Variants in SDK2 observed in about 807,000 individuals in gnomAD.
SDK2 encodes sidekick cell adhesion molecule 2, also known as protein sidekick-2.
Under a neutral mutation model 253.9 loss-of-function variants are expected in SDK2, and 105 were observed. The observed-to-expected ratio is 0.41, with a 90% CI of 0.35 to 0.49. The LOEUF (loss-of-function observed/expected upper bound fraction) is 0.49, where lower values mean the gene tolerates loss of function less well. Ranked by LOEUF, SDK2 falls within the 20% of genes least tolerant of loss-of-function variation. The probability of loss-of-function intolerance (pLI) is 0.06; values close to 1 mark genes in which losing one functional copy is unlikely to be tolerated. For missense variants in SDK2, 2,608 were observed against 3,003.0 expected, an observed-to-expected ratio of 0.87 and a Z score of 3.07; for synonymous variants, 1,249 against 1,234.9, an observed-to-expected ratio of 1.01 and a Z score of -0.24.
At chr17:73,373,484 G>C (rs1039417173) in intron 36 of SDK2, among the ~76,000 whole-genome samples, 1 of 152,142 alleles carries the variant, frequency 6.6e-6, no homozygotes, top group East Asian at 1.9e-4. Flanking sequence ...CACCAACAGC[G>C]TGCAAAGGTT....
In SDK2 at chr17:73,369,861, G is replaced by A. The variant is rs185326202; in HGVS notation, c.4981-1268C>T. ...GGATTTCACCGTGTTAGCCAGGATG[G>A]TCTAGATCTCCTGACCTTGTGATCC... On this transcript the variant is annotated intron_variant, in intron 36 of 44. Transcript: ENST00000392650. 9.7e-4 allele frequency among the ~76,000 whole-genome samples: 147 copies of A among 152,302 alleles called. 1 individual carries two copies. Among genetic ancestry groups the A allele is most frequent in the Admixed American group, 1.6e-3 (25 of 15,302 alleles).
Position 73,464,289 on chromosome 17 carries a change from C to G in SDK2, c.331+7823G>C, listed in dbSNP as rs187102265. Among the ~76,000 whole-genome samples the G allele has an allele frequency of 5.7e-4, 87 of 152,230 alleles. 1 individual carries two copies. The East Asian group carries it at 0.016, about 28-fold the overall frequency. ...GGGGGTGGTTCCCCCATACCGTTCT[C>G]GTGATAGTGAGTGGGTTCTCACGAG... On this transcript the variant is annotated intron_variant, in intron 3 of 44. Transcript: ENST00000392650.
chr17:73,431,572 C>T lies in SDK2; in HGVS notation c.1410G>A (p.Ala470=), dbSNP rs747066948. ...TGGTGGCCAGGCAGGTGTAGGTCCC[C>T]GCATCGGAGATGTGTGTGGGGCTGA... ...LLISPTHISD[A]GTYTCLATNS... Residue 470 remains alanine (A), a synonymous_variant, in exon 11 of 45, where the codon GCG becomes GCA. Transcript: ENST00000392650. The surrounding 1 kb of genome is among the most constrained non-coding windows in gnomAD (Gnocchi z 5.6). The T allele has an allele frequency of 7.4e-6, 12 of 1,613,652 alleles. No individual in the cohort carries two copies. Among genetic ancestry groups the T allele is most frequent in the Middle Eastern group, 1.7e-4 (1 of 6,060 alleles).
intron 5 of SDK2, among the ~76,000 whole-genome samples, chr17:73,445,673 C>T (rs1437004182): frequency 6.6e-6 from 1 of 151,834 alleles, no homozygotes; most frequent in Non-Finnish European, 1.5e-5. Context: ...GTGGGCGAAG[C>T]GTCAATTGCT....
At position 73,338,408 on chromosome 17, in the gene SDK2, G is replaced by C. The variant is rs1325887989; in HGVS notation, c.*179C>G. Reference sequence around the variant, plus strand: ...CTGCTGGCCACACACATCCTCTCACGGTTTTCTCCCTCCTTCTGAACGCCG... The same window carrying C: ...CTGCTGGCCACACACATCCTCTCACCGTTTTCTCCCTCCTTCTGAACGCCG... On this transcript the variant is annotated 3_prime_UTR_variant, in exon 45 of 45. Coordinates refer to ENST00000392650, the MANE Select transcript of SDK2 (RefSeq NM_001144952.2). This position sits in a 1 kb window ranked among gnomAD's most constrained non-coding sequence, Gnocchi z 5.0. The C allele has an allele frequency of 2.9e-6, 2 of 698,144 alleles. No homozygotes were observed. The highest frequency in any genetic ancestry group is 5.2e-6 in the Non-Finnish European group (2 of 383,046). The allele number at this position is 698,144 out of a possible 1,614,324, so 43.2% of individuals were successfully genotyped here. A position where few individuals can be genotyped will look rare whatever the true frequency, so the allele number is the denominator to read the frequency against.
chr17:73,448,645 T>A (rs1036060563), intron 4 of SDK2, among the ~76,000 whole-genome samples: 14 of 151,848 alleles, frequency 9.2e-5, no homozygotes, highest in Non-Finnish European at 1.6e-4. Context: ...ATTACAGGCG[T>A]GAGCCACTGT....
At chr17:73,357,050 C>T (rs1212487601) in intron 40 of SDK2, among the ~76,000 whole-genome samples, 1 of 152,222 alleles carries the variant, frequency 6.6e-6, no homozygotes, top group South Asian at 2.1e-4. Flanking sequence ...CAGGGAGGGA[C>T]CATCTGGAGT....
At position 73,415,948 on chromosome 17, in the gene SDK2, A is replaced by G; in HGVS notation, c.2231T>C (p.Ile744Thr). 6.2e-7 allele frequency: 1 copy of G among 1,611,834 alleles called. No homozygotes were observed. The highest frequency in any genetic ancestry group is 1.7e-5 in the Admixed American group (1 of 59,678). ...CAGGTTGTTCACATCAGCATCCGTG[A>G]TGTTCTTAAACTGGTACCCCACGGG... ...GLPVGYQFKN[I>T]TDADVNNLLL... The change falls in exon 17 of 45, where the codon ATC becomes ACC. Residue 744 changes from isoleucine (I) to threonine (T), a missense_variant. By Grantham distance (89) the Ile-to-Thr change is moderately conservative. Coordinates refer to ENST00000392650, the MANE Select transcript of SDK2 (RefSeq NM_001144952.2).
rs899557268 is a variant in SDK2, at chr17:73,349,065, G to A, written c.6039-340C>T. ...CACACAGTGGCTTTGGGGGCACACAGGGGCCTGGATGTGTGTGCACTGTGG... is the reference window on the plus strand; with the variant it reads ...CACACAGTGGCTTTGGGGGCACACAAGGGCCTGGATGTGTGTGCACTGTGG... On this transcript the variant is annotated intron_variant, in intron 43 of 44. Coordinates refer to ENST00000392650, the MANE Select transcript of SDK2 (RefSeq NM_001144952.2). Among the ~76,000 whole-genome samples, 20 of 152,334 alleles carry A rather than the reference G, an allele frequency of 1.3e-4. No individual in the cohort carries two copies. In the South Asian group the frequency reaches 4.1e-3, roughly 32 times the overall value.
At chr17:73,510,659 A>C (rs1184430114) in intron 1 of SDK2, among the ~76,000 whole-genome samples, 2 of 151,978 alleles carry the variant, frequency 1.3e-5, no homozygotes, top group African/African-American at 4.8e-5. Flanking sequence ...ACCACCAGCT[A>C]ACTTTTGTAT....
intron 1 of SDK2, among the ~76,000 whole-genome samples, chr17:73,531,305 G>A (rs963723758): frequency 7.9e-5 from 12 of 152,260 alleles, no homozygotes; most frequent in East Asian, 1.9e-4. Flanking sequence ...TAGAGGTACC[G>A]TAATTTTCTA....
chr17:73,635,681 T>C (rs2046321273), intron 1 of SDK2, among the ~76,000 whole-genome samples: 1 of 152,190 alleles, frequency 6.6e-6, no homozygotes, highest in African/African-American at 2.4e-5. Flanking sequence ...ACTAATAGCT[T>C]CCTACATGGC....
intron 44 of SDK2, among the ~76,000 whole-genome samples, chr17:73,347,810 C>T (rs141360163): frequency 7.2e-5 from 11 of 152,184 alleles, no homozygotes; most frequent in East Asian, 3.9e-4. Context: ...AGTGTCCCCA[C>T]GTGACCCACC....
At chr17:73,344,051 G>A (rs1280662192) in intron 44 of SDK2, among the ~76,000 whole-genome samples, 1 of 152,170 alleles carries the variant, frequency 6.6e-6, no homozygotes, top group Non-Finnish European at 1.5e-5. Context: ...GGGCCAGCCA[G>A]GGTCTCTCTG....
chr17:73,337,964 C>T lies in SDK2; in HGVS notation c.*623G>A, dbSNP rs1268588030. On this transcript the variant is annotated 3_prime_UTR_variant, in exon 45 of 45. Transcript: ENST00000392650. ...TTTTTCTTCCTTTTTCTAAATAAAC[C>T]AAATGCTTGGTGGAGAAGTTGAGCA... is the stretch of plus-strand genomic sequence containing the variant. 1 of 152,594 alleles carries T rather than the reference C, an allele frequency of 6.6e-6. No individual in the cohort carries two copies. The highest frequency in any genetic ancestry group is 2.4e-5 in the African/African-American group (1 of 41,420). 9.5% of individuals were successfully genotyped at this position (152,594 alleles called of 1,614,324 possible).
At chr17:73,522,736 T>C (rs1005960582) in intron 1 of SDK2, among the ~76,000 whole-genome samples, 1 of 152,214 alleles carries the variant, frequency 6.6e-6, no homozygotes, top group African/African-American at 2.4e-5. Context: ...TGGAGGAACC[T>C]GGGGCCAGCA....
At position 73,373,751 on chromosome 17, in the gene SDK2, G is replaced by A. The variant is rs1370786226; in HGVS notation, c.4981-5158C>T. Among the ~76,000 whole-genome samples, 8 of 152,086 alleles carry A rather than the reference G, an allele frequency of 5.3e-5. No individual in the cohort carries two copies. The East Asian group carries it at 1.5e-3, about 29-fold the overall frequency. On this transcript the variant is annotated intron_variant, in intron 36 of 44. Transcript: ENST00000392650. ...GGTTCACTGCAACCTCCACCTCCTG[G>A]GTTCAAGCGATTCTCCTGCCTCAGC... is the stretch of plus-strand genomic sequence containing the variant.
intron 5 of SDK2, among the ~76,000 whole-genome samples, chr17:73,442,048 T>C (rs1231094359): frequency 1.3e-5 from 2 of 152,270 alleles, no homozygotes; most frequent in African/African-American, 4.8e-5. Context: ...TTGAATGAAA[T>C]GAAAGAGTTA....
intron 1 of SDK2, among the ~76,000 whole-genome samples, chr17:73,617,009 T>C (rs1057066644): frequency 1.3e-5 from 2 of 151,892 alleles, no homozygotes; most frequent in Non-Finnish European, 1.5e-5. Context: ...CCACGACACA[T>C]GTTTATTGAA....
Sources: gnomAD v4.1 joint callset for allele counts (sites outside exome capture counted in the v4.1 genomes callset) on GRCh38, gnomAD v4.1.1 for gene constraint, Gnocchi (gnomAD v3.1) non-coding constraint, MANE v1.5 for transcripts, NCBI Gene and HGNC (gene_info 2026-07-23, HGNC 2026-07-21) for gene names.